KIF7: variants seen among roughly 807,000 people sequenced by gnomAD.
KIF7 encodes the protein kinesin-like protein KIF7.
KIF7 carries 104 observed loss-of-function variants against 135.7 expected under a neutral mutation model. That is an observed-to-expected ratio of 0.77 (90% CI 0.65 to 0.90). The LOEUF (loss-of-function observed/expected upper bound fraction) is 0.90. Among genes scored for constraint, KIF7 ranks in the 40% least tolerant of loss-of-function variants. The probability of loss-of-function intolerance (pLI) is 0.00; values close to 1 mark genes in which losing one functional copy is unlikely to be tolerated. For missense variants in KIF7, 2,005 were observed against 1,839.1 expected, an observed-to-expected ratio of 1.09 and a Z score of -1.65; for synonymous variants, 883 against 809.4, an observed-to-expected ratio of 1.09 and a Z score of -1.54.
At chr15:89,659,075 T>C (rs571786040), upstream of KIF7, among the ~76,000 whole-genome samples, 6 of 151,592 alleles carry the variant, frequency 4.0e-5, no homozygotes, top group South Asian at 1.0e-3. Flanking sequence ...AGAGTGGTAA[T>C]TGGGACTAAA....
chr15:89,630,091 G>T (rs1312595936), intron 16 of KIF7, 196 bp downstream of exon 16: 9 of 624,810 alleles, frequency 1.4e-5, no homozygotes, highest in Admixed American at 1.0e-4. Context: ...GCAGAAGTGG[G>T]GGGCGGGTAG....
Position 89,619,568 on chromosome 15 carries a change from G to C in KIF7, c.181-1373C>G, listed in dbSNP as rs1001435679. 11 of 834,612 alleles carry C rather than the reference G, an allele frequency of 1.3e-5. 1 individual carries two copies. In the South Asian group the frequency reaches 2.0e-4, roughly 15 times the overall value. The allele number at this position is 834,612 out of a possible 1,614,324, so 51.7% of individuals were successfully genotyped here. On this transcript the variant is annotated intron_variant and NMD_transcript_variant, in intron 1 of 2. Coordinates refer to the KIF7 transcript ENST00000558928. Reference sequence around the variant, plus strand: ...TCTTAGTTTGTTAAGAGACACTTCAGAAGTCTCTTAAAGCTAATAGCTTGC... The same window carrying C: ...TCTTAGTTTGTTAAGAGACACTTCACAAGTCTCTTAAAGCTAATAGCTTGC...
chr15:89,635,048 C>T (rs1334093116), intron 11 of KIF7, among the ~76,000 whole-genome samples: 3 of 152,160 alleles, frequency 2.0e-5, no homozygotes, highest in African/African-American at 4.8e-5. Flanking sequence ...AACTGGGAGG[C>T]ACCCCCCAGC....
chr15:89,640,472 G>T lies in KIF7; in HGVS notation c.2394+1731C>A, dbSNP rs1290503591. ...CAGATCAGAAAACTGAGGCAGAGAG[G>T]TTAGGAAACTTGACCAACGACACAT... On this transcript the variant is annotated intron_variant, in intron 11 of 18. Transcript: ENST00000394412. Among the ~76,000 whole-genome samples, 3 of 152,096 alleles carry T rather than the reference G, an allele frequency of 2.0e-5. 1 individual carries two copies. The highest frequency in any genetic ancestry group is 4.4e-5 in the Non-Finnish European group (3 of 68,028).
In KIF7 at chr15:89,648,839, A is replaced by C. The variant is rs577130026; in HGVS notation, c.924-65T>G. On this transcript the variant is annotated intron_variant, in intron 4 of 18. Transcript: ENST00000394412. ...TCCAGGCCCAGGGCCAGCGGGCCAGACCTGGGACCGGCTCCTGGCGCGGTT... is the reference window on the plus strand; with the variant it reads ...TCCAGGCCCAGGGCCAGCGGGCCAGCCCTGGGACCGGCTCCTGGCGCGGTT... The C allele has an allele frequency of 4.8e-5, 71 of 1,479,780 alleles. 1 individual carries two copies. In the South Asian group the frequency reaches 8.5e-4, roughly 18 times the overall value. The allele number at this position is 1,479,780 out of a possible 1,614,324, so 91.7% of individuals were successfully genotyped here. A position where few individuals can be genotyped will look rare whatever the true frequency, so the allele number is the denominator to read the frequency against.
chr15:89,623,484 T>A, downstream of KIF7: 1 of 878,908 alleles, frequency 1.1e-6, no homozygotes, highest in Non-Finnish European at 1.7e-6. Context: ...GGGAAACGGG[T>A]CACTATTTGA....
downstream of KIF7, chr15:89,625,969 G>C (rs76162535): frequency 9.6e-4 from 1,543 of 1,601,356 alleles, 10 homozygotes; most frequent in African/African-American, 0.019. Context: ...GCCGTGCGGA[G>C]CTGCCTCTCT....
In KIF7 at chr15:89,648,258, TCGCCCGCCGGCCCCC is replaced by T. The variant is rs1258855467; in HGVS notation, c.1425_1439del (p.Gly476_Arg480del). On this transcript the variant is annotated inframe_deletion, in exon 5 of 19. Coordinates refer to ENST00000394412, the MANE Select transcript of KIF7 (RefSeq NM_198525.3). ...CCACAACCTGTCCCTCGGCCACCTT[TCGCCCGCCGGCCCCC>T]TGCGCCGCCTGGTCCTCGACGGAGG... 24 of 1,513,790 alleles carry T rather than the reference TCGCCCGCCGGCCCCC, an allele frequency of 1.6e-5. No homozygotes were observed. Among genetic ancestry groups the T allele is most frequent in the Non-Finnish European group, 2.0e-5 (23 of 1,133,412 alleles). The allele number at this position is 1,513,790 out of a possible 1,614,324, so 93.8% of individuals were successfully genotyped here.
rs1242830030 is a variant in KIF7 at position 89,647,601 on chromosome 15, G to C, written c.1555C>G (p.Leu519Val). The change falls in exon 6 of 19, where the codon CTG (leucine) becomes GTG (valine). Residue 519 changes from leucine (L) to valine (V), a missense_variant. By Grantham distance (32) the Leu-to-Val change is conservative. Transcript: ENST00000394412. Reference protein sequence around the residue: ...ALEDAMEQYKLQSDRLREQQE... With the variant: ...ALEDAMEQYKVQSDRLREQQE... ...CTGTGAAGCGGGCGCCGCACCTGCAGTTTGTACTGCTCCATGGCGTCCTCC... is the reference window on the plus strand; with the variant it reads ...CTGTGAAGCGGGCGCCGCACCTGCACTTTGTACTGCTCCATGGCGTCCTCC... The C allele has an allele frequency of 6.2e-7, 1 of 1,611,672 alleles. No homozygotes were observed. The highest frequency in any genetic ancestry group is 1.1e-5 in the South Asian group (1 of 91,076).
At chr15:89,657,167 G>T (rs187269250), upstream of KIF7, among the ~76,000 whole-genome samples, 1 of 152,212 alleles carries the variant, frequency 6.6e-6, no homozygotes, top group Non-Finnish European at 1.5e-5. Context: ...ATAGGCAGGC[G>T]TAGTGGCATG....
downstream of KIF7, chr15:89,625,992 C>T: frequency 6.2e-7 from 1 of 1,609,948 alleles, no homozygotes; most frequent in Non-Finnish European, 8.5e-7. Flanking sequence ...CAGTGCCCTC[C>T]AGGCTCTGAC....
At chr15:89,653,738 T>TTTA (rs200629591) in intron 1 of KIF7, among the ~76,000 whole-genome samples, 2,316 of 147,016 alleles carry the variant, frequency 0.016, 68 homozygotes, top group African/African-American at 0.055. Context: ...CCTGGCTAAT[T>TTTA]TTATTATTAG....
intron 1 of KIF7, among the ~76,000 whole-genome samples, chr15:89,622,268 G>A (rs893507922): frequency 1.3e-5 from 2 of 152,080 alleles, no homozygotes; most frequent in Non-Finnish European, 2.9e-5. Flanking sequence ...TTACAGGCAT[G>A]AGCCACTGCG....
chr15:89,642,122 C>G (rs997548259), intron 11 of KIF7, 81 bp downstream of exon 11: 1 of 1,428,960 alleles, frequency 7.0e-7, no homozygotes, highest in Non-Finnish European at 9.7e-7. Context: ...GGCCTCAGAG[C>G]CCACATGTCC....
At chr15:89,623,934 A>G (rs929153816), downstream of KIF7, 1 of 1,614,064 alleles carries the variant, frequency 6.2e-7, no homozygotes, top group Non-Finnish European at 8.5e-7. Context: ...GGTTTTTGCC[A>G]AACTGTACTT....
intron 1 of KIF7, among the ~76,000 whole-genome samples, chr15:89,622,142 C>T (rs1037946475): frequency 5.3e-5 from 8 of 152,050 alleles, no homozygotes; most frequent in South Asian, 2.1e-4. Context: ...CCCACCACAA[C>T]GCCCAACTAA....
At position 89,629,365 on chromosome 15, in the gene KIF7, G is replaced by C. The variant is rs1265449011; in HGVS notation, c.3517+10C>G. On this transcript the variant is annotated intron_variant, in intron 17 of 18. Coordinates refer to ENST00000394412, the MANE Select transcript of KIF7 (RefSeq NM_198525.3). ...GGCCGGGGTTGTGAGCCATGGGCCG[G>C]GCTGCTCACCTCGACTCTGCTGCAG... 1.3e-6 allele frequency: 2 copies of C among 1,583,068 alleles called. No homozygotes were observed. Among genetic ancestry groups the C allele is most frequent in the African/African-American group, 2.7e-5 (2 of 74,462 alleles).
intron 11 of KIF7, among the ~76,000 whole-genome samples, chr15:89,635,508 G>C (rs1963787278): frequency 6.6e-6 from 1 of 152,182 alleles, no homozygotes; most frequent in African/African-American, 2.4e-5. Flanking sequence ...GAAAACCAAG[G>C]CTCGAGAACT....
intron 11 of KIF7, among the ~76,000 whole-genome samples, chr15:89,634,192 A>G (rs1385900734): frequency 1.3e-5 from 2 of 152,140 alleles, no homozygotes; most frequent in East Asian, 1.9e-4. Context: ...CCAGCTACTC[A>G]GGAGGCTGAG....
Sources: allele counts gnomAD v4.1 joint callset (sites outside exome capture counted in the v4.1 genomes callset), GRCh38; gene constraint gnomAD v4.1.1; transcripts MANE v1.5; gene names NCBI Gene and HGNC (gene_info 2026-07-23, HGNC 2026-07-21).